Variants in SLC35B1 observed in about 807,000 individuals in gnomAD.
The protein encoded by SLC35B1 is ATP/ADP exchanger ER.
SLC35B1 carries 27 observed loss-of-function variants against 36.6 expected under a neutral mutation model. The ratio of observed to expected loss-of-function variants is 0.74; its 90% CI spans 0.54 to 1.02. The LOEUF (loss-of-function observed/expected upper bound fraction) is 1.02. Among genes scored for constraint, SLC35B1 ranks in the 50% least tolerant of loss-of-function variants. SLC35B1 has a pLI of 0.00. For missense variants in SLC35B1, 321 were observed against 383.2 expected (o/e 0.84, Z 1.35); for synonymous variants, 162 against 152.5 (o/e 1.06, Z -0.46).
In SLC35B1 at chr17:49,705,882, G is replaced by T; in HGVS notation, c.354C>A (p.Ser118=). ...VNYPTQVLGK[S]CKPIPVMLLG... is the part of the protein sequence containing the mutation. The stretch of plus-strand genomic sequence containing the variant: ...TTTGCTTACCTGGGATTGGCTTGCA[G>T]GATTTACCAAGGACCTGAAATTAAA... Residue 118 remains serine (S), a synonymous_variant, in exon 4 of 9, where the codon TCC becomes TCA. Transcript: ENST00000240333. The T allele has an allele frequency of 1.9e-6, 3 of 1,614,112 alleles. No individual in the cohort carries two copies. Among genetic ancestry groups the T allele is most frequent in the Non-Finnish European group, 2.5e-6 (3 of 1,179,986 alleles).
intron 2 of SLC35B1, among the ~76,000 whole-genome samples, chr17:49,706,642 T>G (rs1598012232): frequency 1.3e-5 from 2 of 152,246 alleles, no homozygotes; most frequent in Middle Eastern, 6.8e-3. Context: ...GAGAGAATGC[T>G]CAAAGCATGC....
Position 49,706,226 on chromosome 17 carries a change from T to C in SLC35B1, c.317A>G (p.Gln106Arg), listed in dbSNP as rs2073414612. ...GAMVSSNSAL[Q>R]FVNYPTQVLG... ...CACCTGAGTTGGGTAGTTGACAAAC[T>C]GTAGTGCTGAATTGCTGGAGACCAT... Residue 106 changes from glutamine (Q) to arginine (R), a missense_variant, in exon 3 of 9, where the codon CAG becomes CGG. Gln to Arg is a conservative substitution (Grantham distance 43, BLOSUM62 1). Coordinates refer to ENST00000240333, the MANE Select transcript of SLC35B1 (RefSeq NM_005827.4). 6.2e-7 allele frequency: 1 copy of C among 1,602,488 alleles called. No homozygotes were observed. Among genetic ancestry groups the C allele is most frequent in the Non-Finnish European group, 8.5e-7 (1 of 1,177,182 alleles).
chr17:49,702,656 C>T (rs1344190886), intron 8 of SLC35B1: 1 of 519,436 alleles, frequency 1.9e-6, no homozygotes, highest in East Asian at 3.2e-5. Context: ...TGCTTGAACC[C>T]AGGAGGAGGA....
chr17:49,707,907 T>G lies in SLC35B1; in HGVS notation c.-74A>C. 6.3e-7 allele frequency: 1 copy of G among 1,590,830 alleles called. No individual in the cohort carries two copies. The highest frequency in any genetic ancestry group is 1.1e-5 in the South Asian group (1 of 88,914). ...CAGCAGCGGCGGCGGAGGCGACAGC[T>G]CCAGCCGGACATCGCCGACCGGCGG... On this transcript the variant is annotated 5_prime_UTR_variant, in exon 1 of 9. Coordinates refer to ENST00000240333, the MANE Select transcript of SLC35B1 (RefSeq NM_005827.4).
At position 49,705,777 on chromosome 17, in the gene SLC35B1, T is replaced by C. The variant is rs2073408279; in HGVS notation, c.370+89A>G. On this transcript the variant is annotated intron_variant, in intron 4 of 8. Coordinates refer to ENST00000240333, the MANE Select transcript of SLC35B1 (RefSeq NM_005827.4). ...CCTGGAGACAGCCATGATGGGATGA[T>C]GAAGCCGAGAGGGACACAGTTGTAG... 6.2e-6 allele frequency: 8 copies of C among 1,297,780 alleles called. No individual in the cohort carries two copies. In the East Asian group the frequency reaches 1.8e-4, roughly 30 times the overall value. 80.4% of individuals were successfully genotyped at this position (1,297,780 alleles called of 1,614,324 possible).
intron 8 of SLC35B1, 140 bp downstream of exon 8, chr17:49,702,718 C>T: frequency 1.1e-6 from 1 of 894,374 alleles, no homozygotes; most frequent in Non-Finnish European, 1.7e-6. Context: ...CTCACTCCAG[C>T]CTGGGCAACA....
At position 49,707,801 on chromosome 17, in the gene SLC35B1, C is replaced by A. The variant is rs766376102; in HGVS notation, c.33G>T (p.Arg11=). 44 of 1,611,800 alleles carry A rather than the reference C, an allele frequency of 2.7e-5. No homozygotes were observed. The highest frequency in any genetic ancestry group is 3.7e-5 in the Non-Finnish European group (44 of 1,179,832). Residue 11 remains arginine, a synonymous_variant, in exon 1 of 9, where the codon CGG becomes CGT. Coordinates refer to ENST00000240333, the MANE Select transcript of SLC35B1 (RefSeq NM_005827.4). MASSSSLVPD[R]LRLPLCFLGV... The stretch of plus-strand genomic sequence containing the variant: ...CCAGGAAGCAGAGCGGCAGGCGCAG[C>A]CGGTCGGGCACCAGGGAGCTGCTAG...
At chr17:49,705,988 G>T in intron 3 of SLC35B1, 92 bp from the exon 4 acceptor site, 1 of 1,389,886 alleles carries the variant, frequency 7.2e-7, no homozygotes, top group Admixed American at 1.8e-5. Context: ...GTAAGCACAG[G>T]GCCTGCACCA....
chr17:49,704,952 G>A (rs934299400), intron 5 of SLC35B1, 172 bp downstream of exon 5: 4 of 579,500 alleles, frequency 6.9e-6, no homozygotes, highest in Non-Finnish European at 9.0e-6. Context: ...AATATTTCAG[G>A]TTTCCCACTA....
At chr17:49,705,696 T>G in intron 4 of SLC35B1, 170 bp downstream of exon 4, 1 of 717,930 alleles carries the variant, frequency 1.4e-6, no homozygotes, top group Non-Finnish European at 2.5e-6. Flanking sequence ...CCTATGAACA[T>G]CACAAGAAGT....
chr17:49,707,057 T>C lies in SLC35B1; in HGVS notation c.116A>G (p.Lys39Arg), dbSNP rs2073427965. Residue 39 changes from lysine (K) to arginine (R), a missense_variant, in exon 2 of 9, where the codon AAG (lysine) becomes AGG (arginine). Lys to Arg is a conservative substitution (Grantham distance 26). Transcript: ENST00000240333. The part of the protein sequence containing the change: ...GILQEKITRG[K>R]YGEGAKQETF... ...CTCCTGCTTGGCTCCTTCCCCATAC[T>C]TTCCTCTTGTTCTAGAAATGAAATG... 1 of 1,613,166 alleles carries C rather than the reference T, an allele frequency of 6.2e-7. No homozygotes were observed. Among genetic ancestry groups the C allele is most frequent in the Non-Finnish European group, 8.5e-7 (1 of 1,179,284 alleles).
chr17:49,701,976 G>A (rs1028188282), intron 8 of SLC35B1: 30 of 333,736 alleles, frequency 9.0e-5, no homozygotes, highest in African/African-American at 6.1e-4. Flanking sequence ...GCCTATAATC[G>A]CAACTACTCG....
At chr17:49,704,078 G>C in intron 6 of SLC35B1, 22 bp downstream of exon 6, 1 of 1,613,824 alleles carries the variant, frequency 6.2e-7, no homozygotes, top group South Asian at 1.1e-5. Context: ...TACATGGGAA[G>C]AACAGCAGAA....
chr17:49,707,813 C>G lies in SLC35B1; in HGVS notation c.21G>C (p.Leu7=). ...GCGGCAGGCGCAGCCGGTCGGGCAC[C>G]AGGGAGCTGCTAGAGGCCATGAGAC... is the stretch of plus-strand genomic sequence containing the variant. The part of the protein sequence containing the change: MASSSS[L]VPDRLRLPLC... Residue 7 remains leucine (L), a synonymous_variant, in exon 1 of 9, where the codon CTG becomes CTC. Coordinates refer to ENST00000240333, the MANE Select transcript of SLC35B1 (RefSeq NM_005827.4). The G allele has an allele frequency of 1.9e-6, 3 of 1,611,836 alleles. No individual in the cohort carries two copies. Among genetic ancestry groups the G allele is most frequent in the African/African-American group, 1.3e-5 (1 of 74,868 alleles).
At chr17:49,702,719 C>G in intron 8 of SLC35B1, 139 bp downstream of exon 8, 1 of 907,576 alleles carries the variant, frequency 1.1e-6, no homozygotes, top group African/African-American at 1.7e-5. Flanking sequence ...TCACTCCAGC[C>G]TGGGCAACAA....
Position 49,704,234 on chromosome 17 carries a change from A to G in SLC35B1, c.529-8T>C, listed in dbSNP as rs1382934540. The G allele has an allele frequency of 6.2e-7, 1 of 1,612,660 alleles. No individual in the cohort carries two copies. On this transcript the variant is annotated splice_region_variant and splice_polypyrimidine_tract_variant and intron_variant, in intron 5 of 8. Transcript: ENST00000240333. ...CAGGGTCAGCGATAATAGCTGGGAAAGAAAGGGTGCAGCCTGCAGTGAAGT... is the reference window on the plus strand; with the variant it reads ...CAGGGTCAGCGATAATAGCTGGGAAGGAAAGGGTGCAGCCTGCAGTGAAGT...
In SLC35B1 at chr17:49,706,346, C is replaced by CA. The variant is rs61136804; in HGVS notation, c.209-13dup. ...AAAAAACTGGATCACTGGGAGAAGA[C>CA]AAAAAAAAAAAAAAAAAAAGAAAAG... On this transcript the variant is annotated splice_polypyrimidine_tract_variant and intron_variant, in intron 2 of 8. Coordinates refer to ENST00000240333, the MANE Select transcript of SLC35B1 (RefSeq NM_005827.4). 8,842 of 731,246 alleles carry CA rather than the reference C, an allele frequency of 0.012. 2 individuals are homozygous for CA. Among genetic ancestry groups the CA allele is most frequent in the East Asian group, 0.024 (405 of 17,154 alleles). The allele number at this position is 731,246 out of a possible 1,614,324, so 45.3% of individuals were successfully genotyped here.
At position 49,706,956 on chromosome 17, in the gene SLC35B1, G is replaced by A. The variant is rs777956020; in HGVS notation, c.208+9C>T. The A allele has an allele frequency of 6.3e-7, 1 of 1,598,274 alleles. No homozygotes were observed. Among genetic ancestry groups the A allele is most frequent in the Non-Finnish European group, 8.6e-7 (1 of 1,165,748 alleles). On this transcript the variant is annotated intron_variant, in intron 2 of 8. Coordinates refer to ENST00000240333, the MANE Select transcript of SLC35B1 (RefSeq NM_005827.4). ...GGGGTACCCAACAAATTACTATCTG[G>A]GTACTCACAGATCTTGGCAAACACA...
chr17:49,701,144 G>A lies in SLC35B1; in HGVS notation c.*314C>T, dbSNP rs2073346998. 3.7e-6 allele frequency: 1 copy of A among 269,628 alleles called. No individual in the cohort carries two copies. Among genetic ancestry groups the A allele is most frequent in the Non-Finnish European group, 7.2e-6 (1 of 138,708 alleles). The allele number at this position is 269,628 out of a possible 1,614,324, so 16.7% of individuals were successfully genotyped here. A position where few individuals can be genotyped will look rare whatever the true frequency, so the allele number is the denominator to read the frequency against. On this transcript the variant is annotated 3_prime_UTR_variant, in exon 9 of 9. Coordinates refer to ENST00000240333, the MANE Select transcript of SLC35B1 (RefSeq NM_005827.4). ...TCCTCCCTATAATCCTCAGGTTCTT[G>A]GAGGAATCGCCCACTCAACCATGCT...
Sources: gnomAD v4.1 joint callset for allele counts (sites outside exome capture counted in the v4.1 genomes callset) on GRCh38, gnomAD v4.1.1 for gene constraint, MANE v1.5 for transcripts, NCBI Gene and HGNC (gene_info 2026-07-23, HGNC 2026-07-21) for gene names.